OTOGL: variants seen among roughly 807,000 people sequenced by gnomAD.
The protein encoded by OTOGL is otogelin-like protein.
OTOGL carries 285 observed loss-of-function variants against 318.5 expected under a neutral mutation model. The ratio of observed to expected loss-of-function variants is 0.89; its 90% CI spans 0.81 to 0.99. The LOEUF (loss-of-function observed/expected upper bound fraction) is 0.99. OTOGL is among the 50% of genes least tolerant of loss of function. The pLI is 0.00. For synonymous variants in OTOGL, 987 were observed against 936.5 expected, an observed-to-expected ratio of 1.05 and a Z score of -0.99; for missense variants, 2,899 against 2,845.6, an observed-to-expected ratio of 1.02 and a Z score of -0.43.
At chr12:80,309,747 T>A (rs1055159330) in intron 29 of OTOGL, among the ~76,000 whole-genome samples, 1 of 152,064 alleles carries the variant, frequency 6.6e-6, no homozygotes, top group African/African-American at 2.4e-5. Context: ...ATGTGGATAG[T>A]CGGGGAAGGA....
At chr12:80,199,985 A>G (rs769058390) in intron 1 of OTOGL, among the ~76,000 whole-genome samples, 1 of 152,158 alleles carries the variant, frequency 6.6e-6, no homozygotes. Flanking sequence ...ACTTCACCCC[A>G]TGTTCCAATC....
At chr12:80,231,816 T>G (rs1465434393) in intron 8 of OTOGL, among the ~76,000 whole-genome samples, 3 of 149,808 alleles carry the variant, frequency 2.0e-5, no homozygotes, top group Non-Finnish European at 4.4e-5. Context: ...TTTTTTTTTT[T>G]GAAGTAGAGA....
intron 8 of OTOGL, among the ~76,000 whole-genome samples, chr12:80,231,119 T>G (rs1182586679): frequency 1.3e-5 from 2 of 152,192 alleles, no homozygotes; most frequent in Non-Finnish European, 2.9e-5. Context: ...CAACTATACT[T>G]CCATAAGATT....
At chr12:80,369,444 C>A (rs1172835985) in intron 55 of OTOGL, among the ~76,000 whole-genome samples, 1 of 152,018 alleles carries the variant, frequency 6.6e-6, no homozygotes, top group African/African-American at 2.4e-5. Context: ...TTACACTTTC[C>A]TTAAGTGCTT....
In OTOGL at chr12:80,238,989, T is replaced by C; in HGVS notation, c.945+11T>C. ...ATGCCAGCATTTGAGGTAAATTTGA[T>C]GTGAGAAATGTGGGCATGTCAGACA... On this transcript the variant is annotated intron_variant, in intron 10 of 58. Transcript: ENST00000547103. 3 of 1,593,670 alleles carry C rather than the reference T, an allele frequency of 1.9e-6. 1 individual carries two copies. The highest frequency in any genetic ancestry group is 2.5e-6 in the Non-Finnish European group (3 of 1,177,658).
intron 48 of OTOGL, 50 bp from the exon 49 acceptor site, chr12:80,356,757 A>G: frequency 8.4e-7 from 1 of 1,190,534 alleles, no homozygotes; most frequent in Non-Finnish European, 1.2e-6. Context: ...ACACTATGTC[A>G]TTTTTTTATT....
At chr12:80,277,229 ATTATAT>A (rs1199742809) in intron 24 of OTOGL, among the ~76,000 whole-genome samples, 1 of 146,690 alleles carries the variant, frequency 6.8e-6, no homozygotes, top group East Asian at 2.0e-4. Flanking sequence ...TTATATATTT[ATTATAT>A]TTATAATTAA....
At chr12:80,323,425 G>A (rs1887474126) in intron 34 of OTOGL, among the ~76,000 whole-genome samples, 1 of 152,126 alleles carries the variant, frequency 6.6e-6, no homozygotes, top group Non-Finnish European at 1.5e-5. Flanking sequence ...AAAGCGGGTG[G>A]ATCACCTGAG....
At chr12:80,303,810 C>T (rs752126273) in intron 28 of OTOGL, among the ~76,000 whole-genome samples, 21 of 152,162 alleles carry the variant, frequency 1.4e-4, no homozygotes, top group Non-Finnish European at 8.8e-5. Context: ...GATCCAATCA[C>T]CTCTCACCAG....
intron 1 of OTOGL, among the ~76,000 whole-genome samples, chr12:80,147,067 T>G (rs1281810044): frequency 6.6e-6 from 1 of 151,106 alleles, no homozygotes; most frequent in Non-Finnish European, 1.5e-5. Flanking sequence ...AGTTCTGCTC[T>G]GATTTTAGTT....
At chr12:80,370,491 A>G (rs1890809987) in intron 55 of OTOGL, 79 bp from the exon 56 acceptor site, 1 of 1,223,350 alleles carries the variant, frequency 8.2e-7, no homozygotes. Flanking sequence ...TTGACTTTTT[A>G]TTCAATAGAA....
At chr12:80,339,447 A>T (rs547914116) in intron 43 of OTOGL, among the ~76,000 whole-genome samples, 183 bp downstream of exon 43, 4 of 152,070 alleles carry the variant, frequency 2.6e-5, no homozygotes, top group African/African-American at 9.6e-5. Context: ...TGTGCTAAGA[A>T]GCAGGAAATA....
At chr12:80,304,989 A>G (rs1433959022) in intron 28 of OTOGL, among the ~76,000 whole-genome samples, 1 of 152,194 alleles carries the variant, frequency 6.6e-6, no homozygotes, top group East Asian at 1.9e-4. Context: ...TTCAGAAATC[A>G]TATCTGTTCA....
chr12:80,370,544 A>C (rs1434088448), intron 55 of OTOGL, 26 bp from the exon 56 acceptor site: 2 of 1,459,848 alleles, frequency 1.4e-6, no homozygotes, highest in Non-Finnish European at 1.8e-6. Flanking sequence ...AATATGCTAA[A>C]TAGTAACTTT....
intron 29 of OTOGL, among the ~76,000 whole-genome samples, chr12:80,307,445 C>T (rs1210280373): frequency 6.7e-6 from 1 of 148,296 alleles, no homozygotes; most frequent in Non-Finnish European, 1.5e-5. Flanking sequence ...GGCTGACCCC[C>T]CCCACCTCCC....
intron 27 of OTOGL, among the ~76,000 whole-genome samples, chr12:80,298,244 T>C (rs1161608749): frequency 6.6e-6 from 1 of 152,148 alleles, no homozygotes; most frequent in Non-Finnish European, 1.5e-5. Context: ...GGAATTTATG[T>C]AGGATAATAT....
In OTOGL at chr12:80,341,549, G is replaced by C. The variant is rs572670685; in HGVS notation, c.5051-399G>C. 2.0e-5 allele frequency among the ~76,000 whole-genome samples: 3 copies of C among 152,192 alleles called. No homozygotes were observed. In the South Asian group the frequency reaches 6.2e-4, roughly 32 times the overall value. On this transcript the variant is annotated intron_variant, in intron 43 of 58. Transcript: ENST00000547103. The stretch of plus-strand genomic sequence containing the variant: ...TTTCAGGCAGAGTTTTCACAGGGAA[G>C]TGGAAGCCTGGGAGCCAGTCACCAA...
intron 26 of OTOGL, among the ~76,000 whole-genome samples, chr12:80,283,463 T>G (rs2137643667): frequency 6.6e-6 from 1 of 152,172 alleles, no homozygotes; most frequent in Non-Finnish European, 1.5e-5. Flanking sequence ...TCCTATTGTG[T>G]TTATAGTCAT....
rs111318580 is a variant in OTOGL, at chr12:80,326,998, T to C, written c.4200-1667T>C. ...TGAGGCAATGGAAATGTTTTTAAAA[T>C]TTGTAAATATATTATTTAAAACTGC... On this transcript the variant is annotated intron_variant, in intron 35 of 58. Transcript: ENST00000547103. 9.4e-3 allele frequency among the ~76,000 whole-genome samples: 1,426 copies of C among 152,318 alleles called. 21 individuals are homozygous for C. Among genetic ancestry groups the C allele is most frequent in the African/African-American group, 0.033 (1,364 of 41,570 alleles).
Sources: gnomAD v4.1 joint callset for allele counts (sites outside exome capture counted in the v4.1 genomes callset) on GRCh38, gnomAD v4.1.1 for gene constraint, MANE v1.5 for transcripts, NCBI Gene and HGNC (gene_info 2026-07-23, HGNC 2026-07-21) for gene names.